CALN1: variants seen among roughly 807,000 people sequenced by gnomAD.
CALN1 encodes the protein calneuron 1, also known as calcium-binding protein 8.
In CALN1, 17 loss-of-function variants were observed where a neutral mutation model predicts 30.6. The observed-to-expected ratio is 0.56, with a 90% confidence interval of 0.38 to 0.83. The LOEUF is 0.83. CALN1 is among the 40% of genes least tolerant of loss of function. The pLI is 0.00. For synonymous variants in CALN1, 156 were observed against 131.4 expected (o/e 1.19, Z -1.28); for missense variants, 291 against 354.9 (o/e 0.82, Z 1.45).
chr7:72,198,394 T>C (rs564527591), intron 3 of CALN1, among the ~76,000 whole-genome samples: 9 of 152,356 alleles, frequency 5.9e-5, no homozygotes, highest in African/African-American at 1.4e-4. Flanking sequence ...CTTTATTTAT[T>C]ACCTGAGATT....
intron 2 of CALN1, among the ~76,000 whole-genome samples, chr7:72,345,820 C>G (rs2968511): frequency 0.21 from 31,311 of 152,138 alleles, 4,176 homozygotes; most frequent in Non-Finnish European, 0.3. Context: ...TTTACGTACC[C>G]TAAACGCCTG....
intron 5 of CALN1, among the ~76,000 whole-genome samples, chr7:71,928,631 C>T (rs67149594): frequency 0.014 from 2,126 of 152,052 alleles, 28 homozygotes; most frequent in Non-Finnish European, 0.023. Flanking sequence ...CCATATCTTT[C>T]GCTTAAAGTA....
At chr7:72,181,680 T>A (rs1789818625) in intron 3 of CALN1, among the ~76,000 whole-genome samples, 1 of 152,196 alleles carries the variant, frequency 6.6e-6, no homozygotes, top group Non-Finnish European at 1.5e-5. Flanking sequence ...TTTCGCCATG[T>A]TGGCCAGGCT....
chr7:72,441,263 G>A (rs1808333695), intron 1 of CALN1, among the ~76,000 whole-genome samples: 1 of 152,060 alleles, frequency 6.6e-6, no homozygotes. Context: ...AGACCTACAG[G>A]GAGGTGGGAA....
At chr7:72,167,348 T>C (rs1472081748) in intron 3 of CALN1, among the ~76,000 whole-genome samples, 1 of 149,502 alleles carries the variant, frequency 6.7e-6, no homozygotes, top group Non-Finnish European at 1.5e-5. Flanking sequence ...TTGTTGGTTT[T>C]GTTTTTGTTT....
At chr7:72,320,447 C>T (rs1253258662) in intron 2 of CALN1, among the ~76,000 whole-genome samples, 1 of 152,014 alleles carries the variant, frequency 6.6e-6, no homozygotes, top group Admixed American at 6.6e-5. Flanking sequence ...TAACAAGTTT[C>T]GGGATGGAAG....
chr7:72,233,884 G>C (rs1467301726), intron 3 of CALN1, among the ~76,000 whole-genome samples: 1 of 151,978 alleles, frequency 6.6e-6, no homozygotes, highest in African/African-American at 2.4e-5. Context: ...CACACCTGTA[G>C]TCCCAGCTAC....
intron 2 of CALN1, among the ~76,000 whole-genome samples, chr7:72,326,059 C>T (rs1215276342): frequency 6.6e-6 from 1 of 152,148 alleles, no homozygotes; most frequent in African/African-American, 2.4e-5. Flanking sequence ...CCCGCCACCA[C>T]GCCTGGCTAA....
chr7:72,020,845 G>A (rs553641905), intron 5 of CALN1, among the ~76,000 whole-genome samples: 1 of 152,202 alleles, frequency 6.6e-6, no homozygotes, highest in Non-Finnish European at 1.5e-5. Context: ...AAGACAGGAG[G>A]AGTAGGAGTG....
At chr7:72,208,588 G>A (rs907517454) in intron 3 of CALN1, among the ~76,000 whole-genome samples, 1 of 152,138 alleles carries the variant, frequency 6.6e-6, no homozygotes, top group Non-Finnish European at 1.5e-5. Context: ...TGTCAACAGT[G>A]GTTCCACCTG....
intron 6 of CALN1, among the ~76,000 whole-genome samples, chr7:71,791,018 A>G (rs955013903): frequency 3.9e-5 from 6 of 152,152 alleles, no homozygotes; most frequent in Non-Finnish European, 4.4e-5. Flanking sequence ...CTCAAGCTCA[A>G]CTACCTCTCT....
chr7:71,989,645 C>T (rs1211869838), intron 5 of CALN1, among the ~76,000 whole-genome samples: 7 of 152,066 alleles, frequency 4.6e-5, no homozygotes, highest in African/African-American at 1.7e-4. Flanking sequence ...CGACAAATCG[C>T]AGGATACTGG....
intron 4 of CALN1, among the ~76,000 whole-genome samples, chr7:72,041,330 G>C (rs1201788812): frequency 6.6e-6 from 1 of 152,050 alleles, no homozygotes; most frequent in Admixed American, 6.6e-5. Flanking sequence ...ACTGGAGTGA[G>C]GGGATGGGGG....
intron 1 of CALN1, among the ~76,000 whole-genome samples, chr7:72,428,414 C>T (rs1200081693): frequency 4.1e-5 from 6 of 147,364 alleles, no homozygotes; most frequent in African/African-American, 1.5e-4. Flanking sequence ...TTTTTTGAGA[C>T]ACAGTCTTGC....
intron 2 of CALN1, among the ~76,000 whole-genome samples, chr7:72,280,184 T>G (rs972452137): frequency 6.6e-6 from 1 of 152,172 alleles, no homozygotes; most frequent in African/African-American, 2.4e-5. Flanking sequence ...AGGCTACACT[T>G]TCTGGTTTCT....
chr7:72,091,878 C>G (rs7786666), intron 4 of CALN1, among the ~76,000 whole-genome samples: 1 of 152,036 alleles, frequency 6.6e-6, no homozygotes, highest in African/African-American at 2.4e-5. Flanking sequence ...AAATGGTGTA[C>G]GGCCAAATAT....
intron 5 of CALN1, among the ~76,000 whole-genome samples, chr7:72,022,538 A>T (rs1584763439): frequency 6.6e-6 from 1 of 152,312 alleles, no homozygotes; most frequent in Middle Eastern, 3.4e-3. Context: ...GACTACAGGC[A>T]TGCGCCATCA....
At chr7:72,349,165 G>A (rs1802792509) in intron 2 of CALN1, among the ~76,000 whole-genome samples, 1 of 152,054 alleles carries the variant, frequency 6.6e-6, no homozygotes, top group Non-Finnish European at 1.5e-5. Flanking sequence ...AAAGAATGCT[G>A]GCTAAAAAAA....
intron 4 of CALN1, among the ~76,000 whole-genome samples, chr7:72,052,073 A>G (rs1035882866): frequency 6.6e-6 from 1 of 152,186 alleles, no homozygotes; most frequent in Non-Finnish European, 1.5e-5. Flanking sequence ...AAAGGAATTC[A>G]TGAGACAAGA....
Sources: allele counts gnomAD v4.1 joint callset (sites outside exome capture counted in the v4.1 genomes callset), GRCh38; gene constraint gnomAD v4.1.1; transcripts MANE v1.5; gene names NCBI Gene and HGNC (gene_info 2026-07-23, HGNC 2026-07-21).